NUP214: variants seen among roughly 807,000 people sequenced by gnomAD.
NUP214 encodes the protein nucleoporin 214, also known as nuclear pore complex protein Nup214.
A neutral mutation model predicts 196.2 loss-of-function variants in NUP214; 79 were observed. That is an observed-to-expected ratio of 0.40 (90% CI 0.34 to 0.49). The LOEUF (loss-of-function observed/expected upper bound fraction) is 0.49, where lower values mean the gene tolerates loss of function less well. Ranked by LOEUF, NUP214 falls within the 20% of genes least tolerant of loss-of-function variation. The pLI, the probability that NUP214 is intolerant of heterozygous loss-of-function variation, is 0.58. For missense variants in NUP214, 2,468 were observed against 2,539.0 expected (o/e 0.97, Z 0.60); for synonymous variants, 1,020 against 990.5 (o/e 1.03, Z -0.56).
intron 30 of NUP214, among the ~76,000 whole-genome samples, chr9:131,209,199 T>A (rs1026493687): frequency 7.3e-5 from 11 of 151,344 alleles, no homozygotes; most frequent in Non-Finnish European, 1.3e-4. Context: ...ATGGCAAAAT[T>A]CCATCTCTAC....
Position 131,146,378 on chromosome 9 carries a change from G to A in NUP214, c.1945+74G>A, listed in dbSNP as rs1393101607. The A allele has an allele frequency of 9.8e-6, 14 of 1,433,376 alleles. No individual in the cohort carries two copies. The highest frequency in any genetic ancestry group is 4.8e-5 in the South Asian group (4 of 83,056). 88.8% of individuals were successfully genotyped at this position (1,433,376 alleles called of 1,614,324 possible). A position where few individuals can be genotyped will look rare whatever the true frequency, so the allele number is the denominator to read the frequency against. ...TTAACGGTTTTAAGTGTTAAGAGTCGTAGCTAACATAGTTGGACAAGGTTA... is the reference window on the plus strand; with the variant it reads ...TTAACGGTTTTAAGTGTTAAGAGTCATAGCTAACATAGTTGGACAAGGTTA... On this transcript the variant is annotated intron_variant, in intron 13 of 35. Transcript: ENST00000359428. This position sits in a 1 kb window ranked among gnomAD's most constrained non-coding sequence, Gnocchi z 4.6.
chr9:131,229,789 C>T (rs769068038), intron 33 of NUP214: 1 of 517,850 alleles, frequency 1.9e-6, no homozygotes, highest in South Asian at 1.4e-5. Context: ...CCCTTGGCCA[C>T]CTTTGTATGG....
intron 19 of NUP214, 110 bp from the exon 20 acceptor site, chr9:131,163,760 T>C: frequency 1.3e-6 from 1 of 747,338 alleles, no homozygotes; most frequent in South Asian, 1.7e-5. Context: ...TGTTTATATA[T>C]TGGGGATATT....
chr9:131,195,653 T>G (rs1254467665), intron 28 of NUP214: 1 of 186,480 alleles, frequency 5.4e-6, no homozygotes, highest in Non-Finnish European at 1.1e-5. Context: ...ATAGATAGAC[T>G]GTAGAAATGA....
chr9:131,230,670 G>T lies in NUP214; in HGVS notation c.6115G>T (p.Ala2039Ser). The change falls in exon 34 of 36, where the codon GCG (alanine) becomes TCG (serine). Residue 2039 changes from alanine (A) to serine (S), a missense_variant. Coordinates refer to ENST00000359428, the MANE Select transcript of NUP214 (RefSeq NM_005085.4). Reference protein sequence around the residue: ...SSNTTSFGTLASQNAPTFGSL... With the variant: ...SSNTTSFGTLSSQNAPTFGSL... ...CAACACCACATCCTTCGGCACGCTC[G>T]CGAGTCAGAATGCCCCCACTTTCGG... The T allele has an allele frequency of 1.2e-6, 2 of 1,614,082 alleles. No homozygotes were observed. Among genetic ancestry groups the T allele is most frequent in the Non-Finnish European group, 1.7e-6 (2 of 1,179,998 alleles).
At chr9:131,160,451 A>G (rs1037678115) in intron 18 of NUP214, among the ~76,000 whole-genome samples, 1 of 152,224 alleles carries the variant, frequency 6.6e-6, no homozygotes, top group African/African-American at 2.4e-5. Context: ...CTTTTAGCAT[A>G]GTTTTTTATC....
intron 9 of NUP214, chr9:131,136,760 G>A (rs1831740042): frequency 1.3e-5 from 2 of 152,224 alleles, no homozygotes; most frequent in Admixed American, 6.5e-5. Context: ...TGTCTTTCTT[G>A]CAGGGACACA....
At position 131,190,262 on chromosome 9, in the gene NUP214, A is replaced by G. The variant is rs1213584183; in HGVS notation, c.3574+1131A>G. ...TGTCAAAGACTTGAGTATTTTACAA[A>G]AAGGTTTTGAAAGATCATATACTCT... On this transcript the variant is annotated intron_variant, in intron 26 of 35. Coordinates refer to ENST00000359428, the MANE Select transcript of NUP214 (RefSeq NM_005085.4). 6.1e-6 allele frequency: 3 copies of G among 488,528 alleles called. No homozygotes were observed. The East Asian group carries it at 1.0e-4, about 16-fold the overall frequency. The allele number at this position is 488,528 out of a possible 1,614,324, so 30.3% of individuals were successfully genotyped here.
rs764853606 is a variant in NUP214 at position 131,197,750 on chromosome 9, C to T, written c.4256C>T (p.Ala1419Val). The T allele has an allele frequency of 1.9e-6, 3 of 1,614,210 alleles. No homozygotes were observed. The highest frequency in any genetic ancestry group is 2.2e-5 in the South Asian group (2 of 91,084). ...AVFGSLPVTS[A>V]GSSGVISFGG... ...TTTGGCAGTCTGCCAGTCACCAGTGCAGGATCCTCTGGGGTCATCAGTTTT... is the reference window on the plus strand; with the variant it reads ...TTTGGCAGTCTGCCAGTCACCAGTGTAGGATCCTCTGGGGTCATCAGTTTT... The change falls in exon 29 of 36, where the codon GCA becomes GTA. Residue 1419 changes from alanine (A) to valine (V), a missense_variant. Physicochemically the swap from Ala to Val is moderately conservative, Grantham distance 64. Coordinates refer to ENST00000359428, the MANE Select transcript of NUP214 (RefSeq NM_005085.4).
At chr9:131,188,419 T>TA (rs1325074509) in intron 25 of NUP214, among the ~76,000 whole-genome samples, 4 of 152,240 alleles carry the variant, frequency 2.6e-5, no homozygotes, top group African/African-American at 7.2e-5. Context: ...TCACTACTCT[T>TA]ACATCTGTCT....
Position 131,198,505 on chromosome 9 carries a change from A to G in NUP214, c.5011A>G (p.Thr1671Ala). 6.2e-7 allele frequency: 1 copy of G among 1,614,164 alleles called. No individual in the cohort carries two copies. The highest frequency in any genetic ancestry group is 8.5e-7 in the Non-Finnish European group (1 of 1,180,026). ...CAACACAGCCACTGCCCCCTCTGCC[A>G]CGCCCGTGTTTGGGCAAGTGGCAGC... ...TNNTATAPSA[T>A]PVFGQVAAST... Residue 1671 changes from threonine (T) to alanine (A), a missense_variant, in exon 29 of 36, where the codon ACG becomes GCG. By Grantham distance (58) the Thr-to-Ala change is moderately conservative. This residue lies in a region of NUP214 where 1,801 missense variants were observed against 1,779.4 expected (regional missense o/e 1.01). Coordinates refer to ENST00000359428, the MANE Select transcript of NUP214 (RefSeq NM_005085.4).
At chr9:131,220,243 C>A (rs890262420) in intron 31 of NUP214, among the ~76,000 whole-genome samples, 2 of 152,168 alleles carry the variant, frequency 1.3e-5, no homozygotes, top group African/African-American at 2.4e-5. Flanking sequence ...CCAAGATATT[C>A]TCTTATGGTA....
At chr9:131,229,622 C>G in intron 33 of NUP214, 1 of 455,276 alleles carries the variant, frequency 2.2e-6, no homozygotes, top group Admixed American at 2.6e-5. Flanking sequence ...AATGCCAGGT[C>G]AGTTATTAAA....
chr9:131,159,844 C>A (rs1191121194), intron 18 of NUP214, among the ~76,000 whole-genome samples: 2 of 149,236 alleles, frequency 1.3e-5, no homozygotes, highest in East Asian at 2.0e-4. Context: ...GCAACAAGAG[C>A]GAAATTCCCA....
chr9:131,130,825 C>A lies in NUP214; in HGVS notation c.652C>A (p.Gln218Lys). 6.2e-7 allele frequency: 1 copy of A among 1,614,012 alleles called. No homozygotes were observed. Among genetic ancestry groups the A allele is most frequent in the Non-Finnish European group, 8.5e-7 (1 of 1,179,884 alleles). ...AVGKQNGTVV[Q>K]YLPTLQEKKV... Reference sequence around the variant, plus strand: ...GGGAAAACAGAATGGAACTGTGGTCCAGTATCTTCCTGTAAGTTCTTATCT... The same window carrying A: ...GGGAAAACAGAATGGAACTGTGGTCAAGTATCTTCCTGTAAGTTCTTATCT... The change falls in exon 5 of 36, where the codon CAG becomes AAG. Residue 218 changes from glutamine to lysine, a missense_variant. By Grantham distance (53) the Gln-to-Lys change is moderately conservative. Coordinates refer to ENST00000359428, the MANE Select transcript of NUP214 (RefSeq NM_005085.4).
rs146895132 is a variant in NUP214 at position 131,228,479 on chromosome 9, C to T, written c.6074+148C>T. 8.7e-6 allele frequency: 6 copies of T among 690,750 alleles called. No individual in the cohort carries two copies. The African/African-American group carries it at 1.1e-4, about 13-fold the overall frequency. The allele number at this position is 690,750 out of a possible 1,614,324, so 42.8% of individuals were successfully genotyped here. On this transcript the variant is annotated intron_variant, in intron 33 of 35. Transcript: ENST00000359428. ...AACAACTCCCTCAAGGATTCCTGTA[C>T]CTCTCCAGGGTAAGACTCATTTCGT...
chr9:131,128,975 T>C lies in NUP214; in HGVS notation c.394-304T>C, dbSNP rs143861540. Among the ~76,000 whole-genome samples, 402 of 152,324 alleles carry C rather than the reference T, an allele frequency of 2.6e-3. 3 individuals are homozygous for C. Among genetic ancestry groups the C allele is most frequent in the African/African-American group, 9.3e-3 (386 of 41,558 alleles). ...AAGTAACTGTCCAAGGTCCCAACAT[T>C]ATTAAGAAGCAGAGCCAAGATTTTA... On this transcript the variant is annotated intron_variant, in intron 3 of 35. Coordinates refer to ENST00000359428, the MANE Select transcript of NUP214 (RefSeq NM_005085.4).
chr9:131,135,846 G>A, intron 8 of NUP214, 94 bp from the exon 9 acceptor site: 2 of 867,052 alleles, frequency 2.3e-6, no homozygotes, highest in Non-Finnish European at 3.8e-6. Context: ...TTTGACATGT[G>A]GAGGCAGCCC....
intron 24 of NUP214, among the ~76,000 whole-genome samples, chr9:131,185,780 TGGTGTGTA>T (rs1425121061): frequency 6.6e-6 from 1 of 152,162 alleles, no homozygotes; most frequent in Admixed American, 6.5e-5. Flanking sequence ...GGGTGTCACG[TGGTGTGTA>T]GGTACTGTGA....
Sources: gnomAD v4.1 joint callset for allele counts (sites outside exome capture counted in the v4.1 genomes callset) on GRCh38, gnomAD v4.1.1 for gene constraint, gnomAD v4.1.1 regional missense constraint, Gnocchi (gnomAD v3.1) non-coding constraint, MANE v1.5 for transcripts, NCBI Gene and HGNC (gene_info 2026-07-23, HGNC 2026-07-21) for gene names.